TMCO4: variants seen among roughly 807,000 people sequenced by gnomAD.
The protein encoded by TMCO4 is transmembrane and coiled-coil domains 4.
Under a neutral mutation model 64.7 loss-of-function variants are expected in TMCO4, and 58 were observed. That is an observed-to-expected ratio of 0.90 (90% confidence interval 0.73 to 1.12). The LOEUF (loss-of-function observed/expected upper bound fraction) is 1.12. Ranked by LOEUF, TMCO4 falls within the 50% of genes most tolerant of loss-of-function variation. The pLI is 0.00. For missense variants in TMCO4, 780 were observed against 825.9 expected, an observed-to-expected ratio of 0.94 and a Z score of 0.68; for synonymous variants, 325 against 346.1, an observed-to-expected ratio of 0.94 and a Z score of 0.68.
At chr1:19,769,195 T>C (rs2101014008) in intron 6 of TMCO4, among the ~76,000 whole-genome samples, 1 of 152,284 alleles carries the variant, frequency 6.6e-6, no homozygotes, top group South Asian at 2.1e-4. Flanking sequence ...CCCTTGCAGC[T>C]GGCGCCAGAC....
At chr1:19,737,508 A>G in intron 12 of TMCO4, 52 bp from the exon 13 acceptor site, 1 of 1,572,678 alleles carries the variant, frequency 6.4e-7, no homozygotes, top group Non-Finnish European at 8.7e-7. Flanking sequence ...CAGTTCTAGC[A>G]AAACATCAGG....
chr1:19,740,006 GT>G, intron 11 of TMCO4, 46 bp from the exon 12 acceptor site: 1 of 1,569,776 alleles, frequency 6.4e-7, no homozygotes, highest in East Asian at 2.3e-5. Context: ...CTGTCCTAGG[GT>G]CCTACTAGGG....
intron 6 of TMCO4, among the ~76,000 whole-genome samples, chr1:19,765,466 T>C (rs2100994701): frequency 6.6e-6 from 1 of 152,028 alleles, no homozygotes; most frequent in African/African-American, 2.4e-5. Flanking sequence ...ATTGGAGCCA[T>C]TTCTGGTTAT....
intron 13 of TMCO4, among the ~76,000 whole-genome samples, chr1:19,705,310 G>T (rs1361093499): frequency 2.6e-5 from 4 of 152,034 alleles, no homozygotes; most frequent in Non-Finnish European, 4.4e-5. Context: ...AATTAGCCAG[G>T]CGTGGTGGTG....
rs945011666 is a variant in TMCO4, at chr1:19,683,132, G to C, written c.1813C>G (p.Pro605Ala). 2 of 1,613,718 alleles carry C rather than the reference G, an allele frequency of 1.2e-6. No individual in the cohort carries two copies. The highest frequency in any genetic ancestry group is 1.1e-5 in the South Asian group (1 of 91,060). Reference protein sequence around the residue: ...SLPAAASPERPPICSHGMDPN... With the variant: ...SLPAAASPERAPICSHGMDPN... ...TCCATGCCATGGCTGCAGATGGGGG[G>C]CCTTTCAGGGCTGGCAGCAGCAGGA... The change falls in exon 16 of 16, where the codon CCC becomes GCC. Residue 605 changes from proline to alanine, a missense_variant. Transcript: ENST00000294543.
rs770366486 is a variant in TMCO4, at chr1:19,734,069, A to G, written c.1264+3303T>C. ...TGTGGTTACTACTACTACTATTATC[A>G]TCATTATTATTGGAGGGAAAGCTTC... On this transcript the variant is annotated intron_variant, in intron 13 of 15. Coordinates refer to ENST00000294543, the MANE Select transcript of TMCO4 (RefSeq NM_181719.7). The surrounding 1 kb of genome is among the most constrained non-coding windows in gnomAD (Gnocchi z 4.4). Among the ~76,000 whole-genome samples the G allele has an allele frequency of 1.8e-4, 27 of 152,174 alleles. No homozygotes were observed. Among genetic ancestry groups the G allele is most frequent in the Non-Finnish European group, 3.7e-4 (25 of 68,042 alleles).
At chr1:19,784,254 C>T (rs1281513751) in intron 3 of TMCO4, among the ~76,000 whole-genome samples, 5 of 152,336 alleles carry the variant, frequency 3.3e-5, no homozygotes, top group East Asian at 3.9e-4. Flanking sequence ...TAAGCTCAGG[C>T]TGGGCGCGGT....
intron 2 of TMCO4, among the ~76,000 whole-genome samples, chr1:19,789,721 C>T (rs1450113714): frequency 3.9e-5 from 6 of 152,102 alleles, no homozygotes; most frequent in Non-Finnish European, 7.4e-5. Flanking sequence ...GATGAGTTCA[C>T]AGTTAAGTCC....
At chr1:19,684,932 C>T (rs141609605) in intron 15 of TMCO4, among the ~76,000 whole-genome samples, 1 of 152,304 alleles carries the variant, frequency 6.6e-6, no homozygotes, top group East Asian at 1.9e-4. Flanking sequence ...GAACAAGCAG[C>T]AAGAGGGAAA....
At chr1:19,748,451 AG>A (rs1368627267) in intron 7 of TMCO4, among the ~76,000 whole-genome samples, 5 of 152,212 alleles carry the variant, frequency 3.3e-5, no homozygotes, top group Non-Finnish European at 5.9e-5. Context: ...GTGCTCAACC[AG>A]TACCTGTTTC....
At chr1:19,751,453 C>T (rs1468870973) in intron 7 of TMCO4, among the ~76,000 whole-genome samples, 3 of 152,020 alleles carry the variant, frequency 2.0e-5, no homozygotes, top group South Asian at 2.1e-4. Context: ...AAAAATTAGC[C>T]GGGCATGGTG....
intron 13 of TMCO4, among the ~76,000 whole-genome samples, chr1:19,729,736 G>A (rs928566691): frequency 6.6e-6 from 1 of 152,168 alleles, no homozygotes; most frequent in African/African-American, 2.4e-5. Context: ...CTGCACTCCA[G>A]CTAGGGTGAC....
chr1:19,700,987 C>T, intron 13 of TMCO4, 102 bp from the exon 14 acceptor site: 4 of 864,654 alleles, frequency 4.6e-6, no homozygotes, highest in South Asian at 1.6e-5. Flanking sequence ...CACACATACA[C>T]ATGCACACAC....
chr1:19,749,022 C>T (rs2041915613), intron 7 of TMCO4, among the ~76,000 whole-genome samples: 1 of 152,156 alleles, frequency 6.6e-6, no homozygotes, highest in Non-Finnish European at 1.5e-5. Flanking sequence ...AAGCAGAAAG[C>T]AACAGTAAAA....
intron 2 of TMCO4, among the ~76,000 whole-genome samples, chr1:19,788,715 T>C (rs1455158206): frequency 6.6e-6 from 1 of 152,184 alleles, no homozygotes; most frequent in Non-Finnish European, 1.5e-5. Context: ...TCAGGGATAA[T>C]TTTGTTCTAG....
Position 19,723,129 on chromosome 1 carries a change from A to G in TMCO4, c.1264+14243T>C, listed in dbSNP as rs553561265. ...GCCCTTATCTGAAATGCGTGGGACC[A>G]GAAGTATTTTGGATTTCAGATTTTG... On this transcript the variant is annotated intron_variant, in intron 13 of 15. Transcript: ENST00000294543. Among the ~76,000 whole-genome samples, 149 of 152,328 alleles carry G rather than the reference A, an allele frequency of 9.8e-4. 1 individual carries two copies. The Middle Eastern group carries it at 0.01, about 10-fold the overall frequency.
Position 19,745,429 on chromosome 1 carries a change from G to A in TMCO4, c.877+103C>T, listed in dbSNP as rs574569346. The A allele has an allele frequency of 2.2e-5, 34 of 1,528,152 alleles. No individual in the cohort carries two copies. The African/African-American group carries it at 4.7e-4, about 21-fold the overall frequency. 94.7% of individuals were successfully genotyped at this position (1,528,152 alleles called of 1,614,324 possible). On this transcript the variant is annotated intron_variant, in intron 10 of 15. Coordinates refer to ENST00000294543, the MANE Select transcript of TMCO4 (RefSeq NM_181719.7). ...TCAGTTTCTTCCTCTGCGAAATGGG[G>A]CTCCCTATACCTGCTCCCTAGTGCA...
At position 19,694,417 on chromosome 1, in the gene TMCO4, AACAGGCCG is replaced by A; in HGVS notation, c.1500+9_1500+16del. 1 of 1,608,712 alleles carries A rather than the reference AACAGGCCG, an allele frequency of 6.2e-7. No individual in the cohort carries two copies. The highest frequency in any genetic ancestry group is 8.5e-7 in the Non-Finnish European group (1 of 1,175,844). ...TAAGCAAACGCAAAGCCCCAGGAGG[AACAGGCCG>A]ACACTCACCACAGAGGTCAGGTCCA... is the stretch of plus-strand genomic sequence containing the variant. On this transcript the variant is annotated intron_variant, in intron 15 of 15. Transcript: ENST00000294543.
chr1:19,757,162 G>GA (rs952455851), intron 6 of TMCO4, among the ~76,000 whole-genome samples: 2 of 139,756 alleles, frequency 1.4e-5, no homozygotes, highest in South Asian at 2.3e-4. Flanking sequence ...GTGGTGGCGG[G>GA]GGGGGGCGCC....
Sources: allele counts gnomAD v4.1 joint callset (sites outside exome capture counted in the v4.1 genomes callset), GRCh38; gene constraint gnomAD v4.1.1; non-coding constraint Gnocchi (gnomAD v3.1); transcripts MANE v1.5; gene names NCBI Gene and HGNC (gene_info 2026-07-23, HGNC 2026-07-21).